PLCXD3: variants seen among roughly 807,000 people sequenced by gnomAD.
PLCXD3 encodes the protein PI-PLC X domain-containing protein 3.
In PLCXD3, 19 loss-of-function variants were observed where a neutral mutation model predicts 25.5. The ratio of observed to expected loss-of-function variants is 0.75; its 90% CI spans 0.52 to 1.09. The LOEUF is 1.09. Ranked by LOEUF, PLCXD3 falls within the 50% of genes least tolerant of loss-of-function variation. The pLI, the probability that PLCXD3 is intolerant of heterozygous loss-of-function variation, is 0.00. For missense variants in PLCXD3, 411 were observed against 388.1 expected, an observed-to-expected ratio of 1.06 and a Z score of -0.50; for synonymous variants, 174 against 137.6, an observed-to-expected ratio of 1.26 and a Z score of -1.85.
intron 1 of PLCXD3, among the ~76,000 whole-genome samples, chr5:41,482,733 A>G (rs1748439466): frequency 1.3e-5 from 2 of 152,212 alleles, no homozygotes; most frequent in African/African-American, 4.8e-5. Context: ...GTCAAAAAAC[A>G]TTTTTAAAAA....
intron 2 of PLCXD3, among the ~76,000 whole-genome samples, chr5:41,372,294 TCTCTCACACACACACA>T (rs1489677963): frequency 5.2e-5 from 7 of 133,358 alleles, no homozygotes; most frequent in African/African-American, 2.2e-4. Flanking sequence ...TCTCTCTCTC[TCTCTCACACACACACA>T]CACACACACA....
At chr5:41,407,690 A>T (rs1414996845) in intron 1 of PLCXD3, among the ~76,000 whole-genome samples, 2 of 152,244 alleles carry the variant, frequency 1.3e-5, no homozygotes, top group East Asian at 3.8e-4. Context: ...ACAGACCTGT[A>T]ACTTAATATG....
At chr5:41,420,463 A>G (rs1460659969) in intron 1 of PLCXD3, among the ~76,000 whole-genome samples, 1 of 152,262 alleles carries the variant, frequency 6.6e-6, no homozygotes, top group Non-Finnish European at 1.5e-5. Flanking sequence ...TAGATGCTGC[A>G]TAAAACAAGA....
At chr5:41,463,258 T>C (rs1309482587) in intron 1 of PLCXD3, among the ~76,000 whole-genome samples, 1 of 151,988 alleles carries the variant, frequency 6.6e-6, no homozygotes, top group Non-Finnish European at 1.5e-5. Context: ...TCTCTCACAG[T>C]TCTGAAGGCA....
At chr5:41,360,202 T>C (rs1394625058) in intron 2 of PLCXD3, among the ~76,000 whole-genome samples, 1 of 152,192 alleles carries the variant, frequency 6.6e-6, no homozygotes, top group African/African-American at 2.4e-5. Context: ...GATTGTTTTT[T>C]ATTTATGCTT....
chr5:41,322,874 T>C lies in PLCXD3; in HGVS notation c.813-9104A>G, dbSNP rs1402738513. Among the ~76,000 whole-genome samples the C allele has an allele frequency of 2.6e-5, 4 of 151,914 alleles. No homozygotes were observed. In the East Asian group the frequency reaches 5.8e-4, roughly 22 times the overall value. On this transcript the variant is annotated intron_variant, in intron 2 of 2. Coordinates refer to ENST00000377801, the MANE Select transcript of PLCXD3 (RefSeq NM_001005473.3). Reference sequence around the variant, plus strand: ...CTGTAGTCCCAGCTACTCAGGAGGCTGAGTCAGGGGAATTGCTTGAACCCA... The same window carrying C: ...CTGTAGTCCCAGCTACTCAGGAGGCCGAGTCAGGGGAATTGCTTGAACCCA...
chr5:41,446,052 G>C (rs1747488617), intron 1 of PLCXD3, among the ~76,000 whole-genome samples: 1 of 150,982 alleles, frequency 6.6e-6, no homozygotes. Flanking sequence ...GCTGGGCGTA[G>C]TGGCGGGCGC....
At chr5:41,398,314 G>T (rs190110377) in intron 1 of PLCXD3, among the ~76,000 whole-genome samples, 1 of 152,110 alleles carries the variant, frequency 6.6e-6, no homozygotes, top group Non-Finnish European at 1.5e-5. Flanking sequence ...GTTGTTTGAA[G>T]GTGTGTAGAA....
At chr5:41,369,969 C>A (rs1360888289) in intron 2 of PLCXD3, among the ~76,000 whole-genome samples, 1 of 152,154 alleles carries the variant, frequency 6.6e-6, no homozygotes, top group Non-Finnish European at 1.5e-5. Context: ...GTGCTTTTAG[C>A]ATTCACTAAT....
At chr5:41,470,056 T>TGTCCAG (rs1251512398) in intron 1 of PLCXD3, among the ~76,000 whole-genome samples, 3 of 152,200 alleles carry the variant, frequency 2.0e-5, no homozygotes, top group Admixed American at 2.0e-4. Context: ...CCAGCAGCTC[T>TGTCCAG]GTCCAGTGAT....
intron 2 of PLCXD3, among the ~76,000 whole-genome samples, chr5:41,351,838 T>C (rs1255564409): frequency 1.3e-5 from 2 of 152,230 alleles, no homozygotes; most frequent in African/African-American, 4.8e-5. Flanking sequence ...ATGCTAAGTC[T>C]AGCTTATATT....
intron 1 of PLCXD3, among the ~76,000 whole-genome samples, chr5:41,400,737 C>CA (rs905206471): frequency 6.6e-6 from 1 of 151,598 alleles, no homozygotes; most frequent in African/African-American, 2.4e-5. Context: ...TTAATGGGTA[C>CA]AAAAAAACTA....
intron 1 of PLCXD3, among the ~76,000 whole-genome samples, chr5:41,457,938 G>A (rs139343185): frequency 1.4e-4 from 22 of 151,998 alleles, no homozygotes; most frequent in African/African-American, 1.4e-4. Flanking sequence ...ACAGGGCTGC[G>A]TGTTACTGGA....
Position 41,353,486 on chromosome 5 carries a change from T to C in PLCXD3, c.812+28340A>G, listed in dbSNP as rs934760959. Among the ~76,000 whole-genome samples, 7 of 152,276 alleles carry C rather than the reference T, an allele frequency of 4.6e-5. No homozygotes were observed. The East Asian group carries it at 1.2e-3, about 25-fold the overall frequency. ...TTTATATAAGTAGGATTTCCTGGGA[T>C]ATGGTCTGAGGTCAGTAAACACCTT... On this transcript the variant is annotated intron_variant, in intron 2 of 2. Transcript: ENST00000377801.
chr5:41,497,462 A>G, intron 1 of PLCXD3, among the ~76,000 whole-genome samples: 1 of 151,890 alleles, frequency 6.6e-6, no homozygotes, highest in Non-Finnish European at 1.5e-5. Flanking sequence ...ATATAATTGG[A>G]TGAGTCAAGT....
intron 1 of PLCXD3, among the ~76,000 whole-genome samples, chr5:41,459,427 G>A (rs1747825829): frequency 6.6e-6 from 1 of 151,612 alleles, no homozygotes; most frequent in Admixed American, 6.6e-5. Flanking sequence ...AGACAACCTG[G>A]GACCAAATAT....
At chr5:41,344,580 G>A (rs867377346) in intron 2 of PLCXD3, among the ~76,000 whole-genome samples, 3 of 151,946 alleles carry the variant, frequency 2.0e-5, no homozygotes, top group Non-Finnish European at 2.9e-5. Flanking sequence ...CCTAGAAATT[G>A]TTTTAGATAA....
rs369041389 is a variant in PLCXD3 at position 41,510,417 on chromosome 5, C to T, written c.103+7G>A. 16 of 1,604,614 alleles carry T rather than the reference C, an allele frequency of 1.0e-5. No individual in the cohort carries two copies. Among genetic ancestry groups the T allele is most frequent in the Middle Eastern group, 1.7e-4 (1 of 6,058 alleles). ...GAGCGCCTAGCCCGCAGCCCCTGCG[C>T]GCCTACCTGGAATGGCTAAATTGGT... On this transcript the variant is annotated splice_region_variant and intron_variant, in intron 1 of 2. Coordinates refer to ENST00000377801, the MANE Select transcript of PLCXD3 (RefSeq NM_001005473.3).
At position 41,312,410 on chromosome 5, in the gene PLCXD3, C is replaced by T. The variant is rs1436574281; in HGVS notation, c.*1207G>A. 1 of 152,152 alleles carries T rather than the reference C, an allele frequency of 6.6e-6. No individual in the cohort carries two copies. The highest frequency in any genetic ancestry group is 1.5e-5 in the Non-Finnish European group (1 of 68,016). The allele number at this position is 152,152 out of a possible 1,614,324, so 9.4% of individuals were successfully genotyped here. A position where few individuals can be genotyped will look rare whatever the true frequency, so the allele number is the denominator to read the frequency against. Reference sequence around the variant, plus strand: ...CATTGCTCTAACTGCTTCTACCAGCCTTCCTCTTTCTTTCCTTCAAGTCAA... The same window carrying T: ...CATTGCTCTAACTGCTTCTACCAGCTTTCCTCTTTCTTTCCTTCAAGTCAA... On this transcript the variant is annotated 3_prime_UTR_variant, in exon 3 of 3. Coordinates refer to ENST00000377801, the MANE Select transcript of PLCXD3 (RefSeq NM_001005473.3).
Sources: allele counts gnomAD v4.1 joint callset (sites outside exome capture counted in the v4.1 genomes callset), GRCh38; gene constraint gnomAD v4.1.1; transcripts MANE v1.5; gene names NCBI Gene and HGNC (gene_info 2026-07-23, HGNC 2026-07-21).